Variants in DAB1 observed in about 807,000 individuals in gnomAD.
DAB1 encodes the protein DAB adaptor protein 1, also known as disabled homolog 1.
Under a neutral mutation model 64.6 loss-of-function variants are expected in DAB1, and 15 were observed. The observed-to-expected ratio is 0.23, with a 90% CI of 0.16 to 0.36. The LOEUF is 0.36. DAB1 is among the 10% of genes least tolerant of loss of function. DAB1 has a pLI of 1.00. For missense variants in DAB1, 596 were observed against 706.7 expected (o/e 0.84, Z 1.78); for synonymous variants, 235 against 251.9 (o/e 0.93, Z 0.64).
At chr1:57,400,625 C>T (rs967676180) in intron 1 of DAB1, among the ~76,000 whole-genome samples, 1 of 151,086 alleles carries the variant, frequency 6.6e-6, no homozygotes, top group Non-Finnish European at 1.5e-5. Flanking sequence ...ACATCTTACA[C>T]AGTTCCACGG....
chr1:57,108,822 A>G (rs1198283443), intron 4 of DAB1, among the ~76,000 whole-genome samples: 1 of 152,138 alleles, frequency 6.6e-6, no homozygotes, highest in Non-Finnish European at 1.5e-5. Context: ...TACCTTCTGC[A>G]ATGTGTTTCT....
intron 5 of DAB1, chr1:58,049,472 C>G (rs1372981209): frequency 4.1e-6 from 1 of 242,506 alleles, no homozygotes; most frequent in Non-Finnish European, 8.0e-6. Context: ...TGCATCATTG[C>G]AGAAGGAATT....
chr1:57,500,378 G>T (rs898591792), intron 7 of DAB1, among the ~76,000 whole-genome samples: 9 of 152,206 alleles, frequency 5.9e-5, no homozygotes, highest in African/African-American at 2.2e-4. Context: ...GATGAAGAAG[G>T]TCAACATATC....
At chr1:58,215,411 T>G (rs1351017287) in intron 4 of DAB1, among the ~76,000 whole-genome samples, 3 of 152,040 alleles carry the variant, frequency 2.0e-5, no homozygotes, top group Non-Finnish European at 4.4e-5. Flanking sequence ...GTTTTTTTTT[T>G]TTTTTTTACC....
At chr1:58,149,593 G>T (rs1233782781) in intron 5 of DAB1, among the ~76,000 whole-genome samples, 1 of 152,116 alleles carries the variant, frequency 6.6e-6, no homozygotes, top group African/African-American at 2.4e-5. Context: ...CCATCAACCT[G>T]ACACAACTCA....
chr1:58,259,340 T>A (rs1224957619), intron 4 of DAB1, among the ~76,000 whole-genome samples: 1 of 132,534 alleles, frequency 7.5e-6, no homozygotes, highest in Admixed American at 7.3e-5. Flanking sequence ...ACATTCTGCC[T>A]GTACTTCTGC....
chr1:57,435,038 CTTTTTTTCT>C (rs1419928015), intron 7 of DAB1, among the ~76,000 whole-genome samples: 4 of 130,628 alleles, frequency 3.1e-5, no homozygotes, highest in African/African-American at 8.7e-5. Flanking sequence ...TTTTTCTTTT[CTTTTTTTCT>C]TTTTTTTTTT....
chr1:58,213,703 TAA>T (rs1332347574), intron 4 of DAB1, among the ~76,000 whole-genome samples: 2 of 152,196 alleles, frequency 1.3e-5, no homozygotes, highest in Non-Finnish European at 2.9e-5. Context: ...ATCACTTATA[TAA>T]GTTTGGACAA....
At chr1:57,531,753 G>A (rs961085727) in intron 7 of DAB1, among the ~76,000 whole-genome samples, 1 of 152,148 alleles carries the variant, frequency 6.6e-6, no homozygotes, top group Non-Finnish European at 1.5e-5. Flanking sequence ...AACCAGCTCT[G>A]TGAGAAAAAC....
intron 5 of DAB1, among the ~76,000 whole-genome samples, chr1:57,941,005 T>G (rs1252907526): frequency 6.6e-6 from 1 of 152,214 alleles, no homozygotes; most frequent in African/African-American, 2.4e-5. Flanking sequence ...GCAGTGAGCA[T>G]CTGATTATAG....
At chr1:58,073,141 T>G (rs1374322780) in intron 5 of DAB1, among the ~76,000 whole-genome samples, 1 of 152,178 alleles carries the variant, frequency 6.6e-6, no homozygotes, top group Non-Finnish European at 1.5e-5. Flanking sequence ...ATCCCAGGCA[T>G]TCTGATGTCA....
intron 4 of DAB1, among the ~76,000 whole-genome samples, chr1:58,269,427 G>T (rs997496561): frequency 2.0e-5 from 3 of 149,798 alleles, no homozygotes; most frequent in Non-Finnish European, 4.4e-5. Context: ...TTGGACATTT[G>T]GGTTGGTTCC....
In DAB1 at chr1:57,762,365, G is replaced by A. The variant is rs577405317; in HGVS notation, n.552-112700C>T. Among the ~76,000 whole-genome samples the A allele has an allele frequency of 9.5e-4, 144 of 152,192 alleles. 1 individual carries two copies. Among genetic ancestry groups the A allele is most frequent in the Non-Finnish European group, 1.1e-3 (75 of 68,002 alleles). On this transcript the variant is annotated intron_variant and non_coding_transcript_variant, in intron 6 of 20. Transcript: ENST00000485760. ...AAACTTTAGATCAGATTTTCAAAATGGCTCATGTCTCATTATAAATCACTG... is the reference window on the plus strand; with the variant it reads ...AAACTTTAGATCAGATTTTCAAAATAGCTCATGTCTCATTATAAATCACTG...
At chr1:57,695,290 GAGAGAGAAGGAAAGAA>G (rs1557427618) in intron 6 of DAB1, among the ~76,000 whole-genome samples, 8 of 64,772 alleles carry the variant, frequency 1.2e-4, no homozygotes, top group African/African-American at 5.0e-4. Context: ...GGAAGAAAGG[GAGAGAGAAGGAAAGAA>G]AGAAAGAAAG....
chr1:58,323,940 A>C (rs1276403383), intron 4 of DAB1, among the ~76,000 whole-genome samples: 1 of 151,818 alleles, frequency 6.6e-6, no homozygotes, highest in African/African-American at 2.4e-5. Context: ...AAAAAAAAAA[A>C]AGACTTAGTT....
intron 5 of DAB1, among the ~76,000 whole-genome samples, chr1:58,137,326 T>C (rs1654002581): frequency 6.6e-6 from 1 of 152,220 alleles, no homozygotes; most frequent in African/African-American, 2.4e-5. Flanking sequence ...AAGTTTGGCC[T>C]GGAACCTGTG....
chr1:58,269,508 C>A (rs915617383), intron 4 of DAB1, among the ~76,000 whole-genome samples: 12 of 133,328 alleles, frequency 9.0e-5, no homozygotes, highest in African/African-American at 3.1e-4. Context: ...TTTATAGCAG[C>A]ATGATTTATA....
chr1:57,342,116 C>A (rs1677639720), intron 1 of DAB1, among the ~76,000 whole-genome samples: 1 of 152,068 alleles, frequency 6.6e-6, no homozygotes, highest in African/African-American at 2.4e-5. Context: ...CCTTTCAGAA[C>A]AACTCAGAAG....
At chr1:57,475,305 A>T (rs1241777791) in intron 7 of DAB1, among the ~76,000 whole-genome samples, 1 of 152,064 alleles carries the variant, frequency 6.6e-6, no homozygotes, top group Non-Finnish European at 1.5e-5. Context: ...CAATAACAAC[A>T]ATAAAAGACA....
Sources: allele counts gnomAD v4.1 joint callset (sites outside exome capture counted in the v4.1 genomes callset), GRCh38; gene constraint gnomAD v4.1.1; transcripts MANE v1.5; gene names NCBI Gene and HGNC (gene_info 2026-07-23, HGNC 2026-07-21).